Variants in UBE2K observed in about 807,000 individuals in gnomAD.
The protein encoded by UBE2K is ubiquitin conjugating enzyme E2 K.
UBE2K carries 6 observed loss-of-function variants against 30.0 expected under a neutral mutation model. The ratio of observed to expected loss-of-function variants is 0.20; its 90% CI spans 0.11 to 0.39. UBE2K has a LOEUF of 0.39. UBE2K is among the 10% of genes least tolerant of loss of function. The pLI, the probability that UBE2K is intolerant of heterozygous loss-of-function variation, is 1.00. For synonymous variants in UBE2K, 86 were observed against 83.7 expected, an observed-to-expected ratio of 1.03 and a Z score of -0.15; for missense variants, 61 against 241.6, an observed-to-expected ratio of 0.25 and a Z score of 4.96.
chr4:39,729,475 C>T (rs1387139752), intron 1 of UBE2K, among the ~76,000 whole-genome samples: 2 of 152,118 alleles, frequency 1.3e-5, no homozygotes, highest in East Asian at 1.9e-4. Flanking sequence ...AGCAAAAAAT[C>T]CCCTCTTCTA....
In UBE2K at chr4:39,782,191, T is replaced by TCAACC. The variant is rs1713653573; in HGVS notation, c.*3757_*3758insCAACC. On this transcript the variant is annotated 3_prime_UTR_variant, in exon 7 of 7. Coordinates refer to ENST00000261427, the MANE Select transcript of UBE2K (RefSeq NM_005339.5). The stretch of plus-strand genomic sequence containing the variant: ...TGGTTATTTCAACCATGCTGCTATA[T>TCAACC]ATAATCAGGTGTGGCACAGTTTGTC... 2.6e-6 allele frequency: 1 copy of TCAACC among 379,302 alleles called. No homozygotes were observed. The highest frequency in any genetic ancestry group is 4.7e-6 in the Non-Finnish European group (1 of 213,860). The allele number at this position is 379,302 out of a possible 1,614,324, so 23.5% of individuals were successfully genotyped here.
chr4:39,716,873 C>T (rs1334914488), intron 1 of UBE2K, among the ~76,000 whole-genome samples: 1 of 151,762 alleles, frequency 6.6e-6, no homozygotes, highest in Non-Finnish European at 1.5e-5. Flanking sequence ...CGGTGTGCAC[C>T]TGTAATCCCA....
intron 4 of UBE2K, chr4:39,771,508 C>T (rs368632698): frequency 7.0e-7 from 1 of 1,434,326 alleles, no homozygotes; most frequent in South Asian, 1.4e-5. Context: ...TTCCCCACCC[C>T]CGCGGGGCCG....
At chr4:39,719,715 G>A (rs1327294212) in intron 1 of UBE2K, among the ~76,000 whole-genome samples, 1 of 152,072 alleles carries the variant, frequency 6.6e-6, no homozygotes, top group Non-Finnish European at 1.5e-5. Context: ...ACCCAATTTT[G>A]GGTTGTCTGA....
chr4:39,765,379 C>G (rs1160321378), intron 4 of UBE2K, among the ~76,000 whole-genome samples: 1 of 151,584 alleles, frequency 6.6e-6, no homozygotes, highest in East Asian at 2.0e-4. Context: ...CAAAAATTAG[C>G]CAGGCATGGT....
intron 1 of UBE2K, among the ~76,000 whole-genome samples, chr4:39,728,128 C>A (rs1719856627): frequency 6.8e-6 from 1 of 148,090 alleles, no homozygotes; most frequent in African/African-American, 2.5e-5. Context: ...AGCAAGACAC[C>A]ATCTCAAAAA....
chr4:39,740,269 T>C (rs1311338635), intron 2 of UBE2K, among the ~76,000 whole-genome samples: 1 of 152,120 alleles, frequency 6.6e-6, no homozygotes, highest in Non-Finnish European at 1.5e-5. Flanking sequence ...ATTTTTTCAT[T>C]GATTTTTATA....
At chr4:39,735,569 G>A (rs1164723502) in intron 1 of UBE2K, among the ~76,000 whole-genome samples, 1 of 152,126 alleles carries the variant, frequency 6.6e-6, no homozygotes, top group Non-Finnish European at 1.5e-5. Flanking sequence ...TTTTAGTAGA[G>A]ACAGGGTTTC....
At chr4:39,743,088 A>G (rs2109357108) in intron 2 of UBE2K, among the ~76,000 whole-genome samples, 1 of 152,042 alleles carries the variant, frequency 6.6e-6, no homozygotes, top group East Asian at 1.9e-4. Context: ...AAAGGGCTTG[A>G]AGAAAATAGT....
intron 1 of UBE2K, among the ~76,000 whole-genome samples, chr4:39,702,248 T>C (rs1399444803): frequency 1.4e-4 from 3 of 21,960 alleles, no homozygotes; most frequent in Non-Finnish European, 2.4e-4. Context: ...TTTTTTTTTT[T>C]TTTTTTTTTT....
At chr4:39,708,551 T>C (rs150101806) in intron 1 of UBE2K, among the ~76,000 whole-genome samples, 70 of 152,226 alleles carry the variant, frequency 4.6e-4, no homozygotes, top group African/African-American at 1.6e-3. Flanking sequence ...TGAGTATGTT[T>C]GAGTAAAAGA....
At position 39,720,586 on chromosome 4, in the gene UBE2K, A is replaced by G. The variant is rs557247165; in HGVS notation, c.64-16834A>G. 3.9e-5 allele frequency among the ~76,000 whole-genome samples: 6 copies of G among 152,194 alleles called. No homozygotes were observed. In the South Asian group the frequency reaches 8.3e-4, roughly 21 times the overall value. On this transcript the variant is annotated intron_variant, in intron 1 of 6. Transcript: ENST00000261427. ...GTAAGGGGACCTATGGAAGTTGGGT[A>G]TTCTAGCCTCAGGGAAAGAGTTTCT...
intron 1 of UBE2K, among the ~76,000 whole-genome samples, chr4:39,717,626 C>A (rs1719157154): frequency 6.6e-6 from 1 of 152,200 alleles, no homozygotes; most frequent in Non-Finnish European, 1.5e-5. Flanking sequence ...TTTCCAGTGC[C>A]TATGGGGATA....
At chr4:39,737,132 A>G (rs1001837528) in intron 1 of UBE2K, among the ~76,000 whole-genome samples, 1 of 152,230 alleles carries the variant, frequency 6.6e-6, no homozygotes, top group African/African-American at 2.4e-5. Flanking sequence ...CAAACATAAA[A>G]TAGCTTTTAT....
intron 1 of UBE2K, among the ~76,000 whole-genome samples, chr4:39,704,797 C>T (rs1349283814): frequency 2.0e-5 from 3 of 151,870 alleles, no homozygotes; most frequent in Non-Finnish European, 4.4e-5. Context: ...CGGCCTTGGC[C>T]ACCTGAAGTG....
At chr4:39,776,689 T>C (rs1713302251) in intron 5 of UBE2K, among the ~76,000 whole-genome samples, 1 of 152,178 alleles carries the variant, frequency 6.6e-6, no homozygotes, top group Non-Finnish European at 1.5e-5. Flanking sequence ...TTCTTTTCCC[T>C]TGAAGATCTG....
At chr4:39,741,589 T>A (rs1220548167) in intron 2 of UBE2K, among the ~76,000 whole-genome samples, 2 of 152,236 alleles carry the variant, frequency 1.3e-5, no homozygotes, top group African/African-American at 4.8e-5. Context: ...ATAACCATTA[T>A]TAAGTAATGA....
rs565615775 is a variant in UBE2K at position 39,737,094 on chromosome 4, G to A, written c.64-326G>A. 3.9e-5 allele frequency among the ~76,000 whole-genome samples: 6 copies of A among 152,254 alleles called. No homozygotes were observed. The East Asian group carries it at 9.6e-4, about 24-fold the overall frequency. ...TCATCTGTGGATGATTAGATTTATC[G>A]CTTTGGGCCTGATATACATGGAATT... On this transcript the variant is annotated intron_variant, in intron 1 of 6. Coordinates refer to ENST00000261427, the MANE Select transcript of UBE2K (RefSeq NM_005339.5).
intron 1 of UBE2K, among the ~76,000 whole-genome samples, chr4:39,718,118 C>T (rs1016768346): frequency 6.6e-5 from 10 of 152,146 alleles, no homozygotes. Flanking sequence ...ATTCTCTTAT[C>T]TGGCCCCACG....
Sources: gnomAD v4.1 joint callset for allele counts (sites outside exome capture counted in the v4.1 genomes callset) on GRCh38, gnomAD v4.1.1 for gene constraint, MANE v1.5 for transcripts, NCBI Gene and HGNC (gene_info 2026-07-23, HGNC 2026-07-21) for gene names.